The following DNHD1 variants were observed in gnomAD, a reference collection of about 807,000 sequenced individuals.
The protein encoded by DNHD1 is dynein heavy chain domain 1, also known as dynein heavy chain domain-containing protein 1.
In DNHD1, 383 loss-of-function variants were observed where a neutral mutation model predicts 458.1. The observed-to-expected ratio is 0.84, with a 90% CI of 0.77 to 0.91. The LOEUF is 0.91. Among genes scored for constraint, DNHD1 ranks in the 40% least tolerant of loss-of-function variants. DNHD1 has a pLI of 0.00. For missense variants in DNHD1, 5,336 were observed against 5,866.1 expected, an observed-to-expected ratio of 0.91 and a Z score of 2.95; for synonymous variants, 2,203 against 2,376.9, an observed-to-expected ratio of 0.93 and a Z score of 2.13.
In DNHD1 at chr11:6,567,499, C is replaced by A. The variant is rs530169772; in HGVS notation, c.11990C>A (p.Pro3997His). Residue 3997 changes from proline (P) to histidine (H), a missense_variant, in exon 36 of 43, where the codon CCC (proline) becomes CAC (histidine). Transcript: ENST00000254579. The stretch of plus-strand genomic sequence containing the variant: ...GAATGTGAGATGTTAGAGCTGCTGC[C>A]CCCATTTGTTGGCCTGTGTGCCTCC... ...WHECEMLELL[P>H]PFVGLCASLA... 3.1e-6 allele frequency: 5 copies of A among 1,613,724 alleles called. No individual in the cohort carries two copies. In the African/African-American group the frequency reaches 5.3e-5, roughly 17 times the overall value.
rs181598194 is a variant in DNHD1 at position 6,517,131 on chromosome 11, T to C, written c.1393-2469T>C. ...CTCACCACAGAAGGGACTAGCCAGC[T>C]CTCTGGGGCCTTTTAAAAATAAAAT... On this transcript the variant is annotated intron_variant, in intron 7 of 42. Coordinates refer to ENST00000254579, the MANE Select transcript of DNHD1 (RefSeq NM_144666.3). Among the ~76,000 whole-genome samples, 195 of 152,320 alleles carry C rather than the reference T, an allele frequency of 1.3e-3. 2 individuals carry two copies. Among genetic ancestry groups the C allele is most frequent in the Admixed American group, 2.6e-3 (39 of 15,290 alleles).
At chr11:6,544,433 A>G (rs947410168) in intron 19 of DNHD1, 141 bp from the exon 20 acceptor site, 3 of 1,021,082 alleles carry the variant, frequency 2.9e-6, no homozygotes, top group African/African-American at 1.6e-5. Flanking sequence ...TTCTCCCTCA[A>G]GCAAGTTCCC....
At position 6,529,015 on chromosome 11, in the gene DNHD1, G is replaced by T. The variant is rs767855911; in HGVS notation, c.2241G>T (p.Val747=). ...CCATCAAGAACTACGTGACGCTGGT[G>T]AGCCGCCTGAATGTTTGGCAGGCCC... is the stretch of plus-strand genomic sequence containing the variant. ...GGPIKNYVTL[V]SRLNVWQARV... is the part of the protein sequence containing the mutation. The change falls in exon 12 of 43, where the codon GTG becomes GTT. Residue 747 remains valine (V), a synonymous_variant. Coordinates refer to ENST00000254579, the MANE Select transcript of DNHD1 (RefSeq NM_144666.3). 6.4e-7 allele frequency: 1 copy of T among 1,551,500 alleles called. No homozygotes were observed. Among genetic ancestry groups the T allele is most frequent in the Admixed American group, 2.0e-5 (1 of 51,012 alleles).
intron 18 of DNHD1, among the ~76,000 whole-genome samples, chr11:6,540,761 A>G (rs16915167): frequency 0.016 from 2,466 of 152,358 alleles, 39 homozygotes; most frequent in South Asian, 0.056. Flanking sequence ...CAGCATTTAC[A>G]TAAGCATCCA....
chr11:6,550,138 C>T (rs1358427928), intron 24 of DNHD1, among the ~76,000 whole-genome samples: 1 of 152,172 alleles, frequency 6.6e-6, no homozygotes, highest in Non-Finnish European at 1.5e-5. Flanking sequence ...ATGTCTATGT[C>T]ATCTTCAGTG....
At chr11:6,513,115 G>A (rs1206771041) in intron 7 of DNHD1, among the ~76,000 whole-genome samples, 11 of 152,076 alleles carry the variant, frequency 7.2e-5, no homozygotes, top group Admixed American at 7.2e-4. Flanking sequence ...GGAGATGGGG[G>A]TGAGCTGCTC....
rs1589902203 is a variant in DNHD1 at position 6,571,365 on chromosome 11, T to G, written c.13853T>G (p.Val4618Gly). Residue 4618 changes from valine (V) to glycine (G), a missense_variant, in exon 42 of 43, where the codon GTC becomes GGC. Transcript: ENST00000254579. The surrounding 1 kb of genome is among the most constrained non-coding windows in gnomAD (Gnocchi z 5.0). ...SSNFPGSRGS[V>G]SSQLQYKRLE... ...AATTTCCCTGGTAGCCGAGGCTCGG[T>G]CTCCAGTCAGCTCCAGTATAAACGT... The G allele has an allele frequency of 1.2e-6, 2 of 1,612,266 alleles. No homozygotes were observed. The highest frequency in any genetic ancestry group is 1.7e-6 in the Non-Finnish European group (2 of 1,179,286).
Position 6,568,824 on chromosome 11 carries a change from G to C in DNHD1, c.12821G>C (p.Arg4274Pro). The change falls in exon 39 of 43, where the codon CGG (arginine) becomes CCG (proline). Residue 4274 changes from arginine (R) to proline (P), a missense_variant. By Grantham distance (103) the Arg-to-Pro change is moderately radical. This residue lies in a region of DNHD1 where 698 missense variants were observed against 664.9 expected (regional missense o/e 1.05). Coordinates refer to ENST00000254579, the MANE Select transcript of DNHD1 (RefSeq NM_144666.3). The stretch of plus-strand genomic sequence containing the variant: ...CTCCTCCATGGCCTCCTGCTACACC[G>C]GCAGCTCTATGGAACAAGGCTGCAG... ...LLLLHGLLLH[R>P]QLYGTRLQAH... The C allele has an allele frequency of 2.5e-6, 4 of 1,612,730 alleles. No homozygotes were observed. The highest frequency in any genetic ancestry group is 3.4e-6 in the Non-Finnish European group (4 of 1,179,464).
At position 6,565,727 on chromosome 11, in the gene DNHD1, A is replaced by G. The variant is rs1275765100; in HGVS notation, c.10789A>G (p.Ser3597Gly). The part of the protein sequence containing the change: ...KGLMRNQKRE[S>G]KTDMKEEDDE... ...CCTCATGAGAAATCAAAAGAGAGAG[A>G]GTAAAACGGACATGAAAGAGGAAGA... Residue 3597 changes from serine to glycine, a missense_variant, in exon 33 of 43, where the codon AGT becomes GGT. This residue lies in a region of DNHD1 where 695 missense variants were observed against 804.2 expected (regional missense o/e 0.86). Transcript: ENST00000254579. The G allele has an allele frequency of 3.2e-6, 5 of 1,550,494 alleles. No homozygotes were observed. Among genetic ancestry groups the G allele is most frequent in the African/African-American group, 1.4e-5 (1 of 72,964 alleles).
rs1371829544 is a variant in DNHD1 at position 6,559,068 on chromosome 11, G to A, written c.9378G>A (p.Gln3126=). 1.3e-6 allele frequency: 2 copies of A among 1,551,632 alleles called. No individual in the cohort carries two copies. Among genetic ancestry groups the A allele is most frequent in the Admixed American group, 3.9e-5 (2 of 51,006 alleles). Reference sequence around the variant, plus strand: ...TCCTGGACACTTTCCTGATGCTGCAGCAACAGACAATCCTGAAGATTAAGA... The same window carrying A: ...TCCTGGACACTTTCCTGATGCTGCAACAACAGACAATCCTGAAGATTAAGA... ...LDFLDTFLML[Q]QQTILKIKNK... Residue 3126 remains glutamine, a synonymous_variant, in exon 27 of 43, where the codon CAG becomes CAA. Coordinates refer to ENST00000254579, the MANE Select transcript of DNHD1 (RefSeq NM_144666.3).
In DNHD1 at chr11:6,528,656, G is replaced by T. The variant is rs553994695; in HGVS notation, c.1972G>T (p.Gly658Cys). 6 of 1,551,704 alleles carry T rather than the reference G, an allele frequency of 3.9e-6. No homozygotes were observed. In the African/African-American group the frequency reaches 8.2e-5, roughly 21 times the overall value. Residue 658 changes from glycine (G) to cysteine (C), a missense_variant, in exon 11 of 43, where the codon GGT (glycine) becomes TGT (cysteine). Physicochemically the swap from Gly to Cys is radical, Grantham distance 159 (BLOSUM62 -3). Transcript: ENST00000254579. ...GCCCTGGAAGTCTCACCCAATTGCT[G>T]GTATCTTGGAGGTCCGTGGATGTCG... is the stretch of plus-strand genomic sequence containing the variant. ...VWPWKSHPIA[G>C]ILEVRGCRLR...
At chr11:6,516,871 C>T (rs1297467267) in intron 7 of DNHD1, among the ~76,000 whole-genome samples, 1 of 152,174 alleles carries the variant, frequency 6.6e-6, no homozygotes, top group Non-Finnish European at 1.5e-5. Context: ...TCCCTCTATT[C>T]TTCCCATTAC....
At chr11:6,518,067 A>G (rs72897890) in intron 7 of DNHD1, among the ~76,000 whole-genome samples, 1 of 152,224 alleles carries the variant, frequency 6.6e-6, no homozygotes, top group Non-Finnish European at 1.5e-5. Flanking sequence ...CAAGTTTTTT[A>G]TTGTTATCAT....
chr11:6,502,686 A>G (rs1852162384), intron 3 of DNHD1, 67 bp from the exon 4 acceptor site: 1 of 1,445,180 alleles, frequency 6.9e-7, no homozygotes, highest in Non-Finnish European at 9.2e-7. Context: ...CAACAGTGGC[A>G]AGGCCTCCCT....
chr11:6,510,100 T>C (rs1852306410), intron 6 of DNHD1, among the ~76,000 whole-genome samples: 1 of 152,042 alleles, frequency 6.6e-6, no homozygotes, highest in African/African-American at 2.4e-5. Context: ...TTTTTTTTTT[T>C]TAAATGGAGT....
Position 6,571,815 on chromosome 11 carries a change from AGC to A in DNHD1, c.14092_14093del (p.Ala4698ProfsTer21), listed in dbSNP as rs775140646. Reference sequence around the variant, plus strand: ...AGGCCCCGGGCACCAGTGACCTGCCAGCCCCAGCCGACCTGACTGTGTACTCG... The same window carrying A: ...AGGCCCCGGGCACCAGTGACCTGCCACCCAGCCGACCTGACTGTGTACTCG... Reference protein sequence around the residue: ...TQAPGTSDLPAPADLTVYSCP... With the variant: ...TQAPGTSDLPXPADLTVYSCP... On this transcript the variant is annotated frameshift_variant, in exon 43 of 43. Coordinates refer to ENST00000254579, the MANE Select transcript of DNHD1 (RefSeq NM_144666.3). LOFTEE classifies it high-confidence loss of function. The surrounding 1 kb of genome is among the most constrained non-coding windows in gnomAD (Gnocchi z 5.0). 7 of 1,613,882 alleles carry A rather than the reference AGC, an allele frequency of 4.3e-6. No homozygotes were observed. The highest frequency in any genetic ancestry group is 1.3e-5 in the African/African-American group (1 of 74,930).
intron 10 of DNHD1, among the ~76,000 whole-genome samples, chr11:6,525,884 T>A (rs10769696): frequency 0.45 from 67,778 of 151,952 alleles, 16,169 homozygotes; most frequent in East Asian, 0.84. Context: ...TTTATTGAAA[T>A]CTAGTTATTT....
intron 18 of DNHD1, among the ~76,000 whole-genome samples, chr11:6,543,772 G>A (rs936551525): frequency 5.3e-5 from 8 of 151,680 alleles, no homozygotes; most frequent in Non-Finnish European, 8.8e-5. Flanking sequence ...CCAGCCTGAT[G>A]AACATGGTGA....
rs1250678574 is a variant in DNHD1, at chr11:6,571,718, C to T, written c.13994C>T (p.Pro4665Leu). ...CAGGTCCTACATGCGGAGTGGGACC[C>T]AATAGCTGGAGCCTTGCAGGACAGT... ...GLQVLHAEWD[P>L]IAGALQDSPS... The change falls in exon 43 of 43, where the codon CCA becomes CTA. Residue 4665 changes from proline to leucine, a missense_variant. Physicochemically the swap from Pro to Leu is moderately conservative, Grantham distance 98. This residue lies in a region of DNHD1 where 698 missense variants were observed against 664.9 expected (regional missense o/e 1.05). Coordinates refer to ENST00000254579, the MANE Select transcript of DNHD1 (RefSeq NM_144666.3). This position sits in a 1 kb window ranked among gnomAD's most constrained non-coding sequence, Gnocchi z 5.0. The T allele has an allele frequency of 4.3e-6, 7 of 1,612,446 alleles. No homozygotes were observed. In the Admixed American group the frequency reaches 1.2e-4, roughly 27 times the overall value.
Sources: allele counts gnomAD v4.1 joint callset (sites outside exome capture counted in the v4.1 genomes callset), GRCh38; gene constraint gnomAD v4.1.1; regional missense constraint gnomAD v4.1.1; non-coding constraint Gnocchi (gnomAD v3.1); transcripts MANE v1.5; gene names NCBI Gene and HGNC (gene_info 2026-07-23, HGNC 2026-07-21).